MAPK10: variants seen among roughly 807,000 people sequenced by gnomAD.
MAPK10 encodes the protein mitogen-activated protein kinase 10, also known as JNK3 alpha protein kinase.
A neutral mutation model predicts 59.3 loss-of-function variants in MAPK10; 25 were observed. That is an observed-to-expected ratio of 0.42 (90% CI 0.31 to 0.59). The LOEUF (loss-of-function observed/expected upper bound fraction) is 0.59, where lower values mean the gene tolerates loss of function less well. Among genes scored for constraint, MAPK10 ranks in the 20% least tolerant of loss-of-function variants. MAPK10 has a pLI of 0.15. For synonymous variants in MAPK10, 190 were observed against 200.5 expected (o/e 0.95, Z 0.44); for missense variants, 351 against 568.9 (o/e 0.62, Z 3.90).
chr4:86,341,194 G>C (rs1008322094), intron 2 of MAPK10, among the ~76,000 whole-genome samples: 1 of 152,122 alleles, frequency 6.6e-6, no homozygotes, highest in East Asian at 1.9e-4. Flanking sequence ...TGTGAAACAG[G>C]ATCACACACT....
intron 1 of MAPK10, among the ~76,000 whole-genome samples, chr4:86,549,766 G>A (rs148067166): frequency 1.3e-5 from 2 of 152,268 alleles, no homozygotes; most frequent in East Asian, 3.9e-4. Flanking sequence ...GATCCCTTGA[G>A]TCCAGGAGTT....
chr4:86,345,962 ATGGT>A (rs1727925060), intron 2 of MAPK10, among the ~76,000 whole-genome samples: 1 of 152,244 alleles, frequency 6.6e-6, no homozygotes, highest in Non-Finnish European at 1.5e-5. Context: ...TTGAATAGCA[ATGGT>A]TGAAGTCTTC....
chr4:86,423,325 A>G (rs1487147751), intron 1 of MAPK10, among the ~76,000 whole-genome samples: 1 of 152,234 alleles, frequency 6.6e-6, no homozygotes, highest in Non-Finnish European at 1.5e-5. Flanking sequence ...ATGCTGGCAC[A>G]TCAATACAAA....
At chr4:86,260,272 G>A (rs112278478) in intron 2 of MAPK10, among the ~76,000 whole-genome samples, 2,680 of 152,066 alleles carry the variant, frequency 0.018, 99 homozygotes, top group African/African-American at 0.06. Context: ...TGTAAAATAC[G>A]AGTTTCATCT....
At chr4:86,211,147 A>AGG (rs1180898262) in intron 2 of MAPK10, among the ~76,000 whole-genome samples, 1 of 152,024 alleles carries the variant, frequency 6.6e-6, no homozygotes, top group Non-Finnish European at 1.5e-5. Context: ...AAGAAGAGAG[A>AGG]GAGAGGGGTA....
intron 3 of MAPK10, among the ~76,000 whole-genome samples, chr4:86,160,739 T>C (rs1472918616): frequency 6.6e-6 from 1 of 151,994 alleles, no homozygotes; most frequent in Non-Finnish European, 1.5e-5. Context: ...GAGTCCAGAA[T>C]CTAAACCAAA....
intron 2 of MAPK10, among the ~76,000 whole-genome samples, chr4:86,286,678 C>T (rs28702698): frequency 0.31 from 47,642 of 152,010 alleles, 10,115 homozygotes; most frequent in African/African-American, 0.6. Context: ...GACTCCAGAG[C>T]TCCTGCCTTT....
At chr4:86,183,967 G>A (rs1292656613) in intron 3 of MAPK10, among the ~76,000 whole-genome samples, 2 of 152,056 alleles carry the variant, frequency 1.3e-5, no homozygotes, top group East Asian at 1.9e-4. Context: ...CATGTCCTTT[G>A]CCCACTTTTT....
chr4:86,216,560 A>G (rs1454675486), intron 2 of MAPK10, among the ~76,000 whole-genome samples: 1 of 151,808 alleles, frequency 6.6e-6, no homozygotes, highest in Non-Finnish European at 1.5e-5. Flanking sequence ...CTTCTACTAA[A>G]GAAGTAATCA....
chr4:86,207,598 C>T (rs536734472), intron 2 of MAPK10, among the ~76,000 whole-genome samples: 2 of 152,172 alleles, frequency 1.3e-5, no homozygotes, highest in South Asian at 4.1e-4. Context: ...TCATTGGTAG[C>T]TTGATGGGGA....
intron 1 of MAPK10, among the ~76,000 whole-genome samples, chr4:86,450,801 C>T (rs1750609484): frequency 1.3e-5 from 2 of 152,216 alleles, no homozygotes; most frequent in Non-Finnish European, 2.9e-5. Flanking sequence ...TCAAAAAGAA[C>T]ATTAAGATGT....
At chr4:86,389,970 G>A (rs576142517) in intron 1 of MAPK10, among the ~76,000 whole-genome samples, 1 of 152,142 alleles carries the variant, frequency 6.6e-6, no homozygotes, top group South Asian at 2.1e-4. Context: ...TTTATTTGTC[G>A]CTTGTTTTAA....
chr4:86,105,197 A>C (rs971712890), intron 5 of MAPK10, among the ~76,000 whole-genome samples: 5 of 152,176 alleles, frequency 3.3e-5, no homozygotes, highest in Non-Finnish European at 7.4e-5. Context: ...TTAAAGATTT[A>C]ATGGGATTAT....
chr4:86,573,324 G>A (rs1761611851), intron 1 of MAPK10, among the ~76,000 whole-genome samples: 1 of 152,096 alleles, frequency 6.6e-6, no homozygotes, highest in Non-Finnish European at 1.5e-5. Flanking sequence ...TTTAGCTTCA[G>A]TTTTCTGCAT....
At chr4:86,254,982 T>C (rs2093641269) in intron 2 of MAPK10, among the ~76,000 whole-genome samples, 1 of 152,092 alleles carries the variant, frequency 6.6e-6, no homozygotes, top group Non-Finnish European at 1.5e-5. Flanking sequence ...AGATGTAACA[T>C]AAAAGTGACA....
intron 10 of MAPK10, chr4:86,065,149 A>AG (rs34155854): frequency 0.47 from 71,524 of 151,784 alleles, 17,950 homozygotes; most frequent in African/African-American, 0.65. Flanking sequence ...CTGGGCTCAA[A>AG]GATCCTCCCA....
intron 2 of MAPK10, chr4:86,300,773 G>A (rs1381274535): frequency 2.0e-5 from 3 of 151,722 alleles, no homozygotes; most frequent in Admixed American, 1.3e-4. Flanking sequence ...CTACCGGCAA[G>A]ATAACTATGT....
At chr4:86,031,226 G>A (rs542568539) in intron 12 of MAPK10, 142 bp downstream of exon 12, 2 of 641,024 alleles carry the variant, frequency 3.1e-6, no homozygotes, top group Non-Finnish European at 5.5e-6. Flanking sequence ...GACAGATGAA[G>A]TTTTAGGAGC....
At chr4:86,369,322 C>T (rs891488037) in intron 1 of MAPK10, among the ~76,000 whole-genome samples, 1 of 152,098 alleles carries the variant, frequency 6.6e-6, no homozygotes, top group Non-Finnish European at 1.5e-5. Context: ...TCACTACTTG[C>T]TAAAAATTTC....
Sources: allele counts gnomAD v4.1 joint callset (sites outside exome capture counted in the v4.1 genomes callset), GRCh38; gene constraint gnomAD v4.1.1; transcripts MANE v1.5; gene names NCBI Gene and HGNC (gene_info 2026-07-23, HGNC 2026-07-21).